SLC35G2: variants seen among roughly 807,000 people sequenced by gnomAD.
SLC35G2 encodes the protein transmembrane protein 22.
In SLC35G2, 20 loss-of-function variants were observed where a neutral mutation model predicts 27.2. The ratio of observed to expected loss-of-function variants is 0.74; its 90% confidence interval spans 0.52 to 1.07. SLC35G2 has a LOEUF of 1.07. SLC35G2 is among the 50% of genes least tolerant of loss of function. The pLI is 0.00. For missense variants in SLC35G2, 416 were observed against 493.3 expected (o/e 0.84, Z 1.48); for synonymous variants, 148 against 165.3 (o/e 0.90, Z 0.80).
intron 1 of SLC35G2, among the ~76,000 whole-genome samples, chr3:136,844,488 C>CA (rs1282328235): frequency 0.02 from 1,603 of 79,506 alleles, 27 homozygotes; most frequent in African/African-American, 0.057. Flanking sequence ...GACTCCGTCT[C>CA]AAAAAAAAAA....
chr3:136,839,538 T>C (rs550228655), intron 1 of SLC35G2, among the ~76,000 whole-genome samples: 7 of 152,268 alleles, frequency 4.6e-5, no homozygotes, highest in Admixed American at 4.6e-4. Flanking sequence ...GAGGCCAGGC[T>C]TCTCCCTTTG....
chr3:136,827,400 G>A (rs75961187), intron 1 of SLC35G2, among the ~76,000 whole-genome samples: 3,049 of 152,084 alleles, frequency 0.02, 42 homozygotes, highest in Middle Eastern at 0.037. Flanking sequence ...TTTTTATAGC[G>A]ATGAGGTTTT....
chr3:136,843,897 G>A (rs1429628854), intron 1 of SLC35G2, among the ~76,000 whole-genome samples: 1 of 152,172 alleles, frequency 6.6e-6, no homozygotes, highest in Non-Finnish European at 1.5e-5. Flanking sequence ...TTGCCCCACT[G>A]CACTCTAACC....
intron 1 of SLC35G2, among the ~76,000 whole-genome samples, chr3:136,846,745 G>A (rs566025024): frequency 2.0e-5 from 3 of 152,290 alleles, no homozygotes; most frequent in South Asian, 4.1e-4. Flanking sequence ...CGATTGTGAA[G>A]ACGGTTATGT....
intron 1 of SLC35G2, among the ~76,000 whole-genome samples, chr3:136,841,028 A>G (rs571147230): frequency 2.9e-4 from 39 of 136,004 alleles, no homozygotes; most frequent in African/African-American, 9.6e-4. Flanking sequence ...CGGTTTCGCC[A>G]TTTTGCCCAG....
Position 136,854,705 on chromosome 3 carries a change from C to T in SLC35G2, c.245C>T (p.Pro82Leu). ...MDTLPPPTED[P>L]MINEIGQFQS... ...ACCCTACCTCCACCAACAGAAGACC[C>T]AATGATCAATGAGATTGGACAATTC... The change falls in exon 2 of 2, where the codon CCA becomes CTA. Residue 82 changes from proline (P) to leucine (L), a missense_variant. Transcript: ENST00000446465. The T allele has an allele frequency of 6.2e-7, 1 of 1,614,044 alleles. No homozygotes were observed. Among genetic ancestry groups the T allele is most frequent in the Non-Finnish European group, 8.5e-7 (1 of 1,180,008 alleles).
At chr3:136,820,373 A>G (rs1034080472) in intron 1 of SLC35G2, 1 of 152,160 alleles carries the variant, frequency 6.6e-6, no homozygotes, top group African/African-American at 2.4e-5. Context: ...TTGCCCTTCT[A>G]CTCTGCACCT....
chr3:136,844,589 G>A (rs1376589564), intron 1 of SLC35G2, among the ~76,000 whole-genome samples: 5 of 151,424 alleles, frequency 3.3e-5, no homozygotes, highest in Admixed American at 6.6e-5. Context: ...GCATGAGGCC[G>A]TGAGTTTGAG....
At chr3:136,835,324 G>A (rs1315726640) in intron 1 of SLC35G2, among the ~76,000 whole-genome samples, 5 of 55,188 alleles carry the variant, frequency 9.1e-5, no homozygotes, top group Admixed American at 3.4e-4. Context: ...TTTTTTTTTT[G>A]TAGAGTTCCT....
intron 1 of SLC35G2, among the ~76,000 whole-genome samples, chr3:136,852,132 A>C (rs1437784309): frequency 6.6e-6 from 1 of 152,204 alleles, no homozygotes; most frequent in Non-Finnish European, 1.5e-5. Context: ...GAACAAGACT[A>C]TTCAGTTTGG....
At chr3:136,850,126 AAAAC>A (rs991589032) in intron 1 of SLC35G2, among the ~76,000 whole-genome samples, 11 of 152,182 alleles carry the variant, frequency 7.2e-5, no homozygotes, top group Admixed American at 5.9e-4. Flanking sequence ...TAAATAACTA[AAAAC>A]AAACAAAAGC....
At chr3:136,850,287 A>G (rs1178380374) in intron 1 of SLC35G2, among the ~76,000 whole-genome samples, 1 of 152,152 alleles carries the variant, frequency 6.6e-6, no homozygotes, top group Non-Finnish European at 1.5e-5. Context: ...TAAATTTCAC[A>G]TCGGTCGACT....
At chr3:136,853,013 ATTGTTT>A (rs1262781126) in intron 1 of SLC35G2, among the ~76,000 whole-genome samples, 9 of 152,172 alleles carry the variant, frequency 5.9e-5, no homozygotes, top group Non-Finnish European at 1.0e-4. Context: ...ACTGTGGCAA[ATTGTTT>A]ATATGCATTA....
At chr3:136,840,326 A>G (rs1294177607) in intron 1 of SLC35G2, among the ~76,000 whole-genome samples, 1 of 152,138 alleles carries the variant, frequency 6.6e-6, no homozygotes, top group Non-Finnish European at 1.5e-5. Flanking sequence ...GTGAGCTGTC[A>G]TCCAGTTCTG....
intron 1 of SLC35G2, among the ~76,000 whole-genome samples, chr3:136,851,517 A>AAAAAG: frequency 1.3e-5 from 2 of 150,690 alleles, no homozygotes; most frequent in African/African-American, 2.4e-5. Flanking sequence ...AAAAAAAAAA[A>AAAAAG]AAAAGATGAA....
At chr3:136,842,427 T>A (rs1937137770) in intron 1 of SLC35G2, 1 of 152,234 alleles carries the variant, frequency 6.6e-6, no homozygotes, top group Admixed American at 6.5e-5. Flanking sequence ...TGCTGATCCC[T>A]CTCCCAGGTG....
chr3:136,840,383 G>C (rs1403316702), intron 1 of SLC35G2, among the ~76,000 whole-genome samples: 2 of 152,050 alleles, frequency 1.3e-5, no homozygotes, highest in African/African-American at 4.8e-5. Flanking sequence ...TCCTCAAAGA[G>C]CATTATCACC....
intron 1 of SLC35G2, among the ~76,000 whole-genome samples, chr3:136,849,951 A>T (rs777250904): frequency 6.6e-6 from 1 of 152,020 alleles, no homozygotes; most frequent in African/African-American, 2.4e-5. Context: ...CCAAAAAAAT[A>T]CAAAAATTAG....
At chr3:136,823,169 G>T (rs1259756810) in intron 1 of SLC35G2, among the ~76,000 whole-genome samples, 1 of 152,160 alleles carries the variant, frequency 6.6e-6, no homozygotes. Context: ...CAATGATGTT[G>T]AGCAGCTTTT....
Sources: gnomAD v4.1 joint callset for allele counts (sites outside exome capture counted in the v4.1 genomes callset) on GRCh38, gnomAD v4.1.1 for gene constraint, MANE v1.5 for transcripts, NCBI Gene and HGNC (gene_info 2026-07-23, HGNC 2026-07-21) for gene names.